The following TRPM3 variants were observed in gnomAD, a reference collection of about 807,000 sequenced individuals.
TRPM3 encodes transient receptor potential cation channel subfamily M member 3, also known as long transient receptor potential channel 3.
In TRPM3, 77 loss-of-function variants were observed where a neutral mutation model predicts 181.2. That is an observed-to-expected ratio of 0.42 (90% CI 0.35 to 0.51). The LOEUF (loss-of-function observed/expected upper bound fraction) is 0.51, where lower values mean the gene tolerates loss of function less well. Among genes scored for constraint, TRPM3 ranks in the 20% least tolerant of loss-of-function variants. The probability of loss-of-function intolerance (pLI) is 0.01; values close to 1 mark genes in which losing one functional copy is unlikely to be tolerated. For missense variants in TRPM3, 1,759 were observed against 2,196.7 expected (o/e 0.80, Z 3.98); for synonymous variants, 745 against 796.4 (o/e 0.94, Z 1.09).
intron 1 of TRPM3, among the ~76,000 whole-genome samples, chr9:71,105,447 G>C (rs1034580220): frequency 2.0e-5 from 3 of 152,198 alleles, no homozygotes; most frequent in Non-Finnish European, 4.4e-5. Context: ...CTACAGGACA[G>C]CTTAGACCCC....
At chr9:71,148,261 T>C (rs544738653) in intron 1 of TRPM3, among the ~76,000 whole-genome samples, 1 of 152,282 alleles carries the variant, frequency 6.6e-6, no homozygotes, top group African/African-American at 2.4e-5. Context: ...ATTTAAAATA[T>C]TAGAACATGT....
intron 1 of TRPM3, among the ~76,000 whole-genome samples, chr9:70,891,516 C>G (rs1318483580): frequency 6.6e-6 from 1 of 152,046 alleles, no homozygotes; most frequent in African/African-American, 2.4e-5. Flanking sequence ...GGCAAGGGAC[C>G]CTGTTTTTTG....
intron 1 of TRPM3, among the ~76,000 whole-genome samples, chr9:71,421,572 C>G (rs926290072): frequency 1.3e-5 from 2 of 151,894 alleles, no homozygotes; most frequent in Admixed American, 1.3e-4. Context: ...CTTTATCTAC[C>G]TACCATTAGT....
chr9:71,144,805 A>G (rs901696967), intron 1 of TRPM3, among the ~76,000 whole-genome samples: 12 of 152,208 alleles, frequency 7.9e-5, no homozygotes, highest in African/African-American at 2.7e-4. Flanking sequence ...TTAAGCAGCA[A>G]TATGCTTAAT....
chr9:70,577,424 C>T (rs929434478), intron 22 of TRPM3, among the ~76,000 whole-genome samples: 24 of 152,236 alleles, frequency 1.6e-4, no homozygotes, highest in African/African-American at 5.3e-4. Context: ...GTTCTTTAAC[C>T]TCTGTTCTTC....
At chr9:71,200,097 A>T (rs2078677683) in intron 1 of TRPM3, among the ~76,000 whole-genome samples, 1 of 151,956 alleles carries the variant, frequency 6.6e-6, no homozygotes, top group Non-Finnish European at 1.5e-5. Context: ...GGTTTCAAAG[A>T]ACATCTTTAT....
intron 1 of TRPM3, among the ~76,000 whole-genome samples, chr9:71,022,360 A>C (rs10868943): frequency 0.33 from 49,997 of 152,018 alleles, 9,029 homozygotes; most frequent in Middle Eastern, 0.43. Flanking sequence ...AAATACATGA[A>C]CTTCAACCTA....
At chr9:71,322,265 C>A (rs576065531) in intron 1 of TRPM3, among the ~76,000 whole-genome samples, 1 of 152,042 alleles carries the variant, frequency 6.6e-6, no homozygotes, top group Non-Finnish European at 1.5e-5. Flanking sequence ...ATCTCCCTAA[C>A]GGTATGTTAA....
At chr9:71,188,298 C>T (rs2077806913) in intron 1 of TRPM3, among the ~76,000 whole-genome samples, 1 of 151,872 alleles carries the variant, frequency 6.6e-6, no homozygotes, top group Non-Finnish European at 1.5e-5. Flanking sequence ...CAAGCATCTT[C>T]ATATTTTCCA....
At chr9:71,381,994 T>C (rs1216934055) in intron 1 of TRPM3, among the ~76,000 whole-genome samples, 5 of 152,246 alleles carry the variant, frequency 3.3e-5, no homozygotes, top group African/African-American at 1.2e-4. Context: ...AATTACTGTA[T>C]ACTGTGGTAT....
intron 1 of TRPM3, among the ~76,000 whole-genome samples, chr9:71,413,370 T>A (rs181313322): frequency 1.3e-5 from 2 of 152,140 alleles, no homozygotes; most frequent in Non-Finnish European, 2.9e-5. Flanking sequence ...AAGTGTCTAT[T>A]ATTCTTTTTA....
At chr9:70,772,544 A>T (rs2080518022) in intron 7 of TRPM3, among the ~76,000 whole-genome samples, 1 of 152,250 alleles carries the variant, frequency 6.6e-6, no homozygotes, top group South Asian at 2.1e-4. Flanking sequence ...GCTGGTCTCG[A>T]ACTCCTGAGC....
At position 70,611,641 on chromosome 9, in the gene TRPM3, C is replaced by T. The variant is rs59663306; in HGVS notation, c.2527-892G>A. Among the ~76,000 whole-genome samples, 7 of 152,148 alleles carry T rather than the reference C, an allele frequency of 4.6e-5. No individual in the cohort carries two copies. The East Asian group carries it at 5.8e-4, about 13-fold the overall frequency. On this transcript the variant is annotated intron_variant, in intron 18 of 25. Transcript: ENST00000677713. The stretch of plus-strand genomic sequence containing the variant: ...GTGAAAACGGGACTAAAACAGTTAG[C>T]GACTTCTCCCTGACCCTTAGGCATG...
At chr9:71,218,837 T>C (rs1370755287) in intron 1 of TRPM3, among the ~76,000 whole-genome samples, 1 of 152,238 alleles carries the variant, frequency 6.6e-6, no homozygotes, top group African/African-American at 2.4e-5. Context: ...TCAGTACATA[T>C]GTCCACAATG....
At chr9:70,595,255 T>C (rs1415332749) in intron 21 of TRPM3, among the ~76,000 whole-genome samples, 1 of 152,234 alleles carries the variant, frequency 6.6e-6, no homozygotes, top group Non-Finnish European at 1.5e-5. Flanking sequence ...TTGGGTCTTT[T>C]CAGATTTTAT....
intron 1 of TRPM3, among the ~76,000 whole-genome samples, chr9:71,199,215 G>T (rs1012046161): frequency 1.3e-5 from 2 of 151,136 alleles, no homozygotes; most frequent in African/African-American, 4.8e-5. Context: ...GCATCACAGG[G>T]ATGAAGCCCA....
At chr9:70,791,614 C>G (rs1278523007) in intron 6 of TRPM3, among the ~76,000 whole-genome samples, 1 of 152,134 alleles carries the variant, frequency 6.6e-6, no homozygotes, top group Non-Finnish European at 1.5e-5. Flanking sequence ...GAATAACATG[C>G]TTGTATCTTT....
chr9:71,262,049 G>T (rs1302655681), intron 1 of TRPM3, among the ~76,000 whole-genome samples: 1 of 152,208 alleles, frequency 6.6e-6, no homozygotes, highest in African/African-American at 2.4e-5. Flanking sequence ...GAGATCTACT[G>T]CTCTCTTCAG....
chr9:70,690,381 A>G (rs1477588186), intron 8 of TRPM3, among the ~76,000 whole-genome samples: 1 of 152,140 alleles, frequency 6.6e-6, no homozygotes, highest in Non-Finnish European at 1.5e-5. Flanking sequence ...AAAATGGTAC[A>G]TCTTCGGCTT....
Sources: allele counts gnomAD v4.1 joint callset (sites outside exome capture counted in the v4.1 genomes callset), GRCh38; gene constraint gnomAD v4.1.1; transcripts MANE v1.5; gene names NCBI Gene and HGNC (gene_info 2026-07-23, HGNC 2026-07-21).